The following LAMC3 variants were observed in gnomAD, a reference collection of about 807,000 sequenced individuals.
LAMC3 encodes laminin subunit gamma 3.
In LAMC3, 128 loss-of-function variants were observed where a neutral mutation model predicts 173.8. The ratio of observed to expected loss-of-function variants is 0.74; its 90% CI spans 0.64 to 0.85. The LOEUF is 0.85. Ranked by LOEUF, LAMC3 falls within the 40% of genes least tolerant of loss-of-function variation. The probability of loss-of-function intolerance (pLI) is 0.00; values close to 1 mark genes in which losing one functional copy is unlikely to be tolerated. For missense variants in LAMC3, 2,022 were observed against 2,156.0 expected (o/e 0.94, Z 1.23); for synonymous variants, 897 against 909.1 (o/e 0.99, Z 0.24).
Position 131,094,207 on chromosome 9 carries a change from C to G in LAMC3, c.*2420C>G, listed in dbSNP as rs527675781. On this transcript the variant is annotated 3_prime_UTR_variant, in exon 28 of 28. Transcript: ENST00000361069. ...CTACCGCCATCCCCCATAATGGCCCCAGGTGTACATGTCATCAGGTCCAGT... is the reference window on the plus strand; with the variant it reads ...CTACCGCCATCCCCCATAATGGCCCGAGGTGTACATGTCATCAGGTCCAGT... 2.6e-5 allele frequency: 4 copies of G among 152,292 alleles called. No homozygotes were observed. In the South Asian group the frequency reaches 8.3e-4, roughly 32 times the overall value. The allele number at this position is 152,292 out of a possible 1,614,324, so 9.4% of individuals were successfully genotyped here. A position where few individuals can be genotyped will look rare whatever the true frequency, so the allele number is the denominator to read the frequency against.
At position 131,032,062 on chromosome 9, in the gene LAMC3, C is replaced by T. The variant is rs372132123; in HGVS notation, c.696C>T (p.Thr232=). 241 of 1,613,966 alleles carry T rather than the reference C, an allele frequency of 1.5e-4. No homozygotes were observed. Among genetic ancestry groups the T allele is most frequent in the Middle Eastern group, 1.6e-4 (1 of 6,078 alleles). Residue 232 remains threonine, a synonymous_variant, in exon 3 of 28, where the codon ACC becomes ACT. Transcript: ENST00000361069. Reference sequence around the variant, plus strand: ...TGCCCCAGGAGTGGGTCACCAGCACCGAACTCCTCATCTCTCTAGACCGGC... The same window carrying T: ...TGCCCCAGGAGTGGGTCACCAGCACTGAACTCCTCATCTCTCTAGACCGGC... ...SPGLQEWVTS[T]ELLISLDRLN...
chr9:131,031,291 C>T (rs566453019), intron 2 of LAMC3, among the ~76,000 whole-genome samples: 7 of 152,224 alleles, frequency 4.6e-5, no homozygotes, highest in Admixed American at 2.0e-4. Context: ...AAATGTCAGT[C>T]TTCACGTGGG....
intron 3 of LAMC3, among the ~76,000 whole-genome samples, chr9:131,034,412 T>C (rs749756271): frequency 2.0e-5 from 3 of 152,240 alleles, no homozygotes; most frequent in African/African-American, 4.8e-5. Context: ...TACCACACAG[T>C]GTGTCCGCTA....
rs986603121 is a variant in LAMC3, at chr9:131,040,473, G to A, written c.1284-1164G>A. Among the ~76,000 whole-genome samples, 7 of 152,202 alleles carry A rather than the reference G, an allele frequency of 4.6e-5. No individual in the cohort carries two copies. In the East Asian group the frequency reaches 1.2e-3, roughly 25 times the overall value. ...ATTACAGACGTGAGTCACCGCGCCT[G>A]GCCCAGAAGCACTTTTAAGTGAACT... is the stretch of plus-strand genomic sequence containing the variant. On this transcript the variant is annotated intron_variant, in intron 6 of 27. Coordinates refer to ENST00000361069, the MANE Select transcript of LAMC3 (RefSeq NM_006059.4).
chr9:131,015,527 G>A (rs1057407805), intron 1 of LAMC3, among the ~76,000 whole-genome samples: 11 of 152,160 alleles, frequency 7.2e-5, no homozygotes, highest in East Asian at 1.9e-4. Flanking sequence ...GCCCTGACTC[G>A]GTCTCCACCT....
At position 131,058,518 on chromosome 9, in the gene LAMC3, C is replaced by CTA. The variant is rs752207839; in HGVS notation, c.2158+1371_2158+1372insTA. On this transcript the variant is annotated intron_variant, in intron 12 of 27. Transcript: ENST00000361069. ...CAGACCTCTTCCACTCCCACACTGA[C>CTA]GGCTTCATGCCTAGACACCTGCTGC... Among the ~76,000 whole-genome samples the CTA allele has an allele frequency of 1.5e-3, 235 of 152,224 alleles. 1 individual carries two copies. The highest frequency in any genetic ancestry group is 3.1e-3 in the Non-Finnish European group (208 of 67,998).
Position 131,068,064 on chromosome 9 carries a change from G to C in LAMC3, c.2594-14G>C, listed in dbSNP as rs764023530. On this transcript the variant is annotated splice_polypyrimidine_tract_variant and intron_variant, in intron 14 of 27. Transcript: ENST00000361069. ...TGCATTGTTCCCAACACCCCTTCCT[G>C]CTCCTGCCCCCAGCTTGCAGCTGTC... The C allele has an allele frequency of 3.1e-6, 5 of 1,608,194 alleles. No homozygotes were observed. Among genetic ancestry groups the C allele is most frequent in the African/African-American group, 2.7e-5 (2 of 75,062 alleles).
intron 11 of LAMC3, among the ~76,000 whole-genome samples, chr9:131,053,340 T>G (rs1158684639): frequency 1.3e-5 from 2 of 152,272 alleles, no homozygotes; most frequent in Non-Finnish European, 2.9e-5. Context: ...AGGAGTCCCC[T>G]GGCAGAGTGA....
Position 131,014,509 on chromosome 9 carries a change from G to A in LAMC3, c.373+4922G>A, listed in dbSNP as rs997152471. On this transcript the variant is annotated intron_variant, in intron 1 of 27. Transcript: ENST00000361069. The stretch of plus-strand genomic sequence containing the variant: ...AGCCCCTAATCCTCCTTCCACCAGA[G>A]TCTGGATTACACTGCGTGAGGGCTT... 5.3e-5 allele frequency among the ~76,000 whole-genome samples: 8 copies of A among 152,334 alleles called. No individual in the cohort carries two copies. In the South Asian group the frequency reaches 1.0e-3, roughly 20 times the overall value.
intron 3 of LAMC3, among the ~76,000 whole-genome samples, chr9:131,034,903 T>C (rs957441315): frequency 4.6e-5 from 7 of 152,212 alleles, no homozygotes; most frequent in Non-Finnish European, 1.0e-4. Context: ...GACCCCGTAT[T>C]TGTCCATTCT....
intron 23 of LAMC3, 121 bp downstream of exon 23, chr9:131,079,419 G>A (rs1382047758): frequency 4.1e-6 from 5 of 1,223,476 alleles, no homozygotes; most frequent in Non-Finnish European, 3.5e-6. Flanking sequence ...GTCCGGCCGG[G>A]TGTAGTGGCT....
chr9:131,048,986 C>T, intron 8 of LAMC3, 34 bp from the exon 9 acceptor site: 1 of 1,410,428 alleles, frequency 7.1e-7, no homozygotes, highest in Non-Finnish European at 9.8e-7. Context: ...CGGGGCCTCA[C>T]ACTGATCGGG....
chr9:131,064,913 C>T (rs368793425), intron 13 of LAMC3, among the ~76,000 whole-genome samples: 5 of 151,696 alleles, frequency 3.3e-5, no homozygotes, highest in South Asian at 2.1e-4. Flanking sequence ...TGGTGGTGCA[C>T]GCCTGTAATC....
intron 18 of LAMC3, among the ~76,000 whole-genome samples, chr9:131,071,957 C>T (rs911476317): frequency 1.3e-5 from 2 of 152,132 alleles, no homozygotes; most frequent in South Asian, 2.1e-4. Flanking sequence ...TAGGCCAGCA[C>T]GGTGCTCAGC....
In LAMC3 at chr9:131,024,801, G is replaced by A. The variant is rs530041830; in HGVS notation, c.374-1484G>A. 3.3e-5 allele frequency among the ~76,000 whole-genome samples: 5 copies of A among 152,230 alleles called. No individual in the cohort carries two copies. The South Asian group carries it at 6.2e-4, about 19-fold the overall frequency. ...GATTACCAAAGAGACGCCCGGTGCC[G>A]ACGGTGAGGAGCTCTGTCCAGTGTG... On this transcript the variant is annotated intron_variant, in intron 1 of 27. Transcript: ENST00000361069.
intron 6 of LAMC3, among the ~76,000 whole-genome samples, chr9:131,039,503 C>T (rs1834007028): frequency 6.6e-6 from 1 of 151,832 alleles, no homozygotes; most frequent in South Asian, 2.1e-4. Flanking sequence ...GTAGGAGGTG[C>T]TGCATAAGTG....
rs776402027 is a variant in LAMC3 at position 131,009,540 on chromosome 9, C to T, written c.326C>T (p.Ala109Val). ...ESTWWQSPSM[A>V]FGVQYPTSVN... ...ACCTGGTGGCAGAGCCCGTCCATGG[C>T]CTTCGGCGTGCAGTACCCCACCTCG... is the stretch of plus-strand genomic sequence containing the variant. Residue 109 changes from alanine to valine, a missense_variant, in exon 1 of 28, where the codon GCC (alanine) becomes GTC (valine). By Grantham distance (64) the Ala-to-Val change is moderately conservative. Transcript: ENST00000361069. This position sits in a 1 kb window ranked among gnomAD's most constrained non-coding sequence, Gnocchi z 4.3. 10 of 1,565,832 alleles carry T rather than the reference C, an allele frequency of 6.4e-6. No individual in the cohort carries two copies. The African/African-American group carries it at 1.2e-4, about 19-fold the overall frequency.
intron 11 of LAMC3, among the ~76,000 whole-genome samples, chr9:131,054,283 G>T (rs192663728): frequency 1.3e-5 from 2 of 152,090 alleles, no homozygotes; most frequent in Non-Finnish European, 2.9e-5. Context: ...CTTCCCCTGG[G>T]CCTCTTTTGA....
chr9:131,085,598 C>T lies in LAMC3; in HGVS notation c.4105C>T (p.Leu1369Phe), dbSNP rs748113937. 2.5e-6 allele frequency: 4 copies of T among 1,614,150 alleles called. No homozygotes were observed. Among genetic ancestry groups the T allele is most frequent in the African/African-American group, 1.3e-5 (1 of 75,052 alleles). The change falls in exon 25 of 28, where the codon CTC (leucine) becomes TTC (phenylalanine). Residue 1369 changes from leucine to phenylalanine, a missense_variant. Physicochemically the swap from Leu to Phe is conservative, Grantham distance 22. Transcript: ENST00000361069. Reference protein sequence around the residue: ...QRKADSVSDRLLADTRKKTKQ... With the variant: ...QRKADSVSDRFLADTRKKTKQ... ...GAAGGCAGACTCCGTCAGTGACAGA[C>T]TCCTTGCAGACACGAGAAAGAAGAC...
Sources: gnomAD v4.1 joint callset for allele counts (sites outside exome capture counted in the v4.1 genomes callset) on GRCh38, gnomAD v4.1.1 for gene constraint, Gnocchi (gnomAD v3.1) non-coding constraint, MANE v1.5 for transcripts, NCBI Gene and HGNC (gene_info 2026-07-23, HGNC 2026-07-21) for gene names.